The following BTRC variants were observed in gnomAD, a reference collection of about 807,000 sequenced individuals.
The protein encoded by BTRC is F-box/WD repeat-containing protein 1A.
In BTRC, 42 loss-of-function variants were observed where a neutral mutation model predicts 85.5. The observed-to-expected ratio is 0.49, with a 90% confidence interval of 0.38 to 0.64. BTRC has a LOEUF of 0.64. Among genes scored for constraint, BTRC ranks in the 30% least tolerant of loss-of-function variants. BTRC has a pLI of 0.00. For missense variants in BTRC, 594 were observed against 743.5 expected (o/e 0.80, Z 2.34); for synonymous variants, 255 against 263.3 (o/e 0.97, Z 0.30).
intron 4 of BTRC, among the ~76,000 whole-genome samples, chr10:101,493,475 C>G (rs2134266740): frequency 6.6e-6 from 1 of 152,290 alleles, no homozygotes; most frequent in African/African-American, 2.4e-5. Context: ...ACCATCTGGC[C>G]CCATGGCCTT....
At chr10:101,476,858 C>G (rs1331063426) in intron 3 of BTRC, among the ~76,000 whole-genome samples, 3 of 152,206 alleles carry the variant, frequency 2.0e-5, no homozygotes, top group African/African-American at 7.2e-5. Context: ...TTAAATCCAA[C>G]ACAAGTATTT....
At chr10:101,406,002 A>G (rs1385563712) in intron 1 of BTRC, among the ~76,000 whole-genome samples, 3 of 152,076 alleles carry the variant, frequency 2.0e-5, no homozygotes, top group Non-Finnish European at 2.9e-5. Flanking sequence ...TTATTCTATC[A>G]ATAGCTGAGA....
At chr10:101,390,763 A>C (rs1943217302) in intron 1 of BTRC, among the ~76,000 whole-genome samples, 1 of 110,368 alleles carries the variant, frequency 9.1e-6, no homozygotes, top group Admixed American at 9.1e-5. Context: ...TGTTTGTCTT[A>C]AAAAAGAAAG....
At chr10:101,486,968 A>G (rs192781515) in intron 4 of BTRC, among the ~76,000 whole-genome samples, 2 of 152,318 alleles carry the variant, frequency 1.3e-5, no homozygotes, top group African/African-American at 2.4e-5. Context: ...GTGAATATCT[A>G]TGATACTAGG....
At chr10:101,403,958 G>C (rs918558176) in intron 1 of BTRC, among the ~76,000 whole-genome samples, 1 of 128,958 alleles carries the variant, frequency 7.8e-6, no homozygotes, top group Admixed American at 8.1e-5. Flanking sequence ...AGTGTTTTTA[G>C]TTATTGGAAC....
intron 4 of BTRC, among the ~76,000 whole-genome samples, chr10:101,512,909 G>C (rs779555626): frequency 6.6e-6 from 1 of 152,210 alleles, no homozygotes; most frequent in Non-Finnish European, 1.5e-5. Flanking sequence ...TTACCATTAA[G>C]CTGAGGCTGT....
rs752765131 is a variant in BTRC, at chr10:101,521,830, T to A, written c.516T>A (p.Leu172=). Residue 172 remains leucine, a synonymous_variant, in exon 5 of 15, where the codon CTT becomes CTA. Transcript: ENST00000370187. The stretch of plus-strand genomic sequence containing the variant: ...AACATGGGCACATAAACTCGTATCT[T>A]AAACCTATGTTGCAGAGAGATTTCA... ...HYQHGHINSY[L]KPMLQRDFIT... is the part of the protein sequence containing the mutation. 1 of 1,613,836 alleles carries A rather than the reference T, an allele frequency of 6.2e-7. No homozygotes were observed. Among genetic ancestry groups the A allele is most frequent in the Non-Finnish European group, 8.5e-7 (1 of 1,179,778 alleles).
intron 3 of BTRC, among the ~76,000 whole-genome samples, chr10:101,478,321 A>G (rs554626968): frequency 6.6e-6 from 1 of 151,712 alleles, no homozygotes; most frequent in South Asian, 2.1e-4. Flanking sequence ...AAAATAGGTA[A>G]GTGTTGGTTT....
At chr10:101,519,155 T>G (rs1397513730) in intron 4 of BTRC, among the ~76,000 whole-genome samples, 1 of 146,832 alleles carries the variant, frequency 6.8e-6, no homozygotes, top group African/African-American at 2.5e-5. Flanking sequence ...CTCTCCTCAC[T>G]GCAATCTCCA....
At chr10:101,432,762 CAGA>C (rs1187548107) in intron 2 of BTRC, among the ~76,000 whole-genome samples, 2 of 152,176 alleles carry the variant, frequency 1.3e-5, no homozygotes, top group Non-Finnish European at 2.9e-5. Flanking sequence ...ACACATAGGG[CAGA>C]ATCTCGGAAG....
In BTRC at chr10:101,531,307, T is replaced by C; in HGVS notation, c.814T>C (p.Tyr272His). Residue 272 changes from tyrosine to histidine, a missense_variant, in exon 7 of 15, where the codon TAT becomes CAT. This residue lies in a region of BTRC where 373 missense variants were observed against 503.6 expected (regional missense o/e 0.74). Coordinates refer to ENST00000370187, the MANE Select transcript of BTRC (RefSeq NM_033637.4). ...APPNSFYRALYPKIIQDIETI... is the reference protein window; with the variant it reads ...APPNSFYRALHPKIIQDIETI... ...TCCCAACTCTTTTTATAGAGCACTT[T>C]ATCCTAAAATTATACAAGACATTGA... 1 of 1,609,246 alleles carries C rather than the reference T, an allele frequency of 6.2e-7. No homozygotes were observed. The highest frequency in any genetic ancestry group is 8.5e-7 in the Non-Finnish European group (1 of 1,175,654).
chr10:101,370,014 G>A (rs1020338965), intron 1 of BTRC, among the ~76,000 whole-genome samples: 4 of 152,148 alleles, frequency 2.6e-5, no homozygotes, highest in Non-Finnish European at 4.4e-5. Context: ...ACCCTTGTCC[G>A]ATACCTGTGC....
Position 101,557,267 on chromosome 10 carries a change from T to A in BTRC, c.*4144T>A, listed in dbSNP as rs1233327479. On this transcript the variant is annotated 3_prime_UTR_variant, in exon 15 of 15. Coordinates refer to ENST00000370187, the MANE Select transcript of BTRC (RefSeq NM_033637.4). ...AATGGAGTGTGTTTTGGGTTTTTTT[T>A]AACTGTTCAGAAAAAAAGTAAATTA... 1 of 152,218 alleles carries A rather than the reference T, an allele frequency of 6.6e-6. No individual in the cohort carries two copies. Among genetic ancestry groups the A allele is most frequent in the Admixed American group, 6.5e-5 (1 of 15,280 alleles). 9.4% of individuals were successfully genotyped at this position (152,218 alleles called of 1,614,324 possible).
At chr10:101,432,463 A>G (rs7900797) in intron 2 of BTRC, among the ~76,000 whole-genome samples, 10,149 of 152,160 alleles carry the variant, frequency 0.067, 356 homozygotes, top group Non-Finnish European at 0.074. Context: ...CATACTGACA[A>G]GGTTCTGCCA....
intron 4 of BTRC, among the ~76,000 whole-genome samples, chr10:101,485,107 G>A (rs977800155): frequency 7.9e-5 from 12 of 152,168 alleles, no homozygotes; most frequent in Non-Finnish European, 1.6e-4. Flanking sequence ...AGTAGCATAT[G>A]CCATTGGTTG....
chr10:101,444,196 A>G (rs1190773539), intron 2 of BTRC, among the ~76,000 whole-genome samples: 1 of 152,216 alleles, frequency 6.6e-6, no homozygotes, highest in African/African-American at 2.4e-5. Flanking sequence ...GCCTTTACAT[A>G]CCTTCTAAGG....
rs2062603349 is a variant in BTRC at position 101,549,030 on chromosome 10, G to A, written c.1657-1669G>A. Among the ~76,000 whole-genome samples the A allele has an allele frequency of 2.0e-5, 3 of 151,718 alleles. No homozygotes were observed. In the South Asian group the frequency reaches 6.3e-4, roughly 32 times the overall value. On this transcript the variant is annotated intron_variant, in intron 13 of 14. Transcript: ENST00000370187. The stretch of plus-strand genomic sequence containing the variant: ...ATCGCGCCACTGCACTCCACCCTGG[G>A]CGACAGAGCGAGACTCTGTCTCAAA...
At chr10:101,363,796 C>T (rs930814717) in intron 1 of BTRC, among the ~76,000 whole-genome samples, 11 of 152,080 alleles carry the variant, frequency 7.2e-5, no homozygotes, top group Non-Finnish European at 1.2e-4. Flanking sequence ...GGCAGTCAAG[C>T]GGTGGCCAGA....
chr10:101,445,050 ATATGT>A (rs1423392436), intron 2 of BTRC, among the ~76,000 whole-genome samples: 9 of 152,168 alleles, frequency 5.9e-5, no homozygotes, highest in Non-Finnish European at 1.0e-4. Context: ...TAGAAACTCG[ATATGT>A]TAGGGTTTAG....
Sources: allele counts gnomAD v4.1 joint callset (sites outside exome capture counted in the v4.1 genomes callset), GRCh38; gene constraint gnomAD v4.1.1; regional missense constraint gnomAD v4.1.1; transcripts MANE v1.5; gene names NCBI Gene and HGNC (gene_info 2026-07-23, HGNC 2026-07-21).